PHLPP1: variants seen among roughly 807,000 people sequenced by gnomAD.
PHLPP1 encodes the protein PH domain leucine-rich repeat-containing protein phosphatase 1.
Under a neutral mutation model 117.2 loss-of-function variants are expected in PHLPP1, and 42 were observed. That is an observed-to-expected ratio of 0.36 (90% confidence interval 0.28 to 0.46). PHLPP1 has a LOEUF of 0.46. Ranked by LOEUF, PHLPP1 falls within the 20% of genes least tolerant of loss-of-function variation. PHLPP1 has a pLI of 1.00. For synonymous variants in PHLPP1, 1,042 were observed against 970.7 expected (o/e 1.07, Z -1.37); for missense variants, 2,084 against 2,241.9 (o/e 0.93, Z 1.42).
At chr18:62,747,524 T>C (rs1261168930) in intron 1 of PHLPP1, among the ~76,000 whole-genome samples, 3 of 151,382 alleles carry the variant, frequency 2.0e-5, no homozygotes, top group Non-Finnish European at 4.4e-5. Context: ...TCCCCTCCCC[T>C]TCCTTCGCTT....
At chr18:62,846,170 C>A (rs1362127873) in intron 3 of PHLPP1, among the ~76,000 whole-genome samples, 2 of 141,568 alleles carry the variant, frequency 1.4e-5, no homozygotes, top group Non-Finnish European at 3.0e-5. Flanking sequence ...GATGGTGCCA[C>A]TGCACTCCAG....
At position 62,915,000 on chromosome 18, in the gene PHLPP1, T is replaced by C. The variant is rs1909224206; in HGVS notation, c.2796T>C (p.Leu932=). ...TTGGCCATAATCAAATATGTGAACT[T>C]CCTGCCCGGTGAGTATTACAGATCA... ...LDIGHNQICE[L]PARLFCNSSL... Residue 932 remains leucine, a synonymous_variant, in exon 9 of 17, where the codon CTT becomes CTC. Coordinates refer to ENST00000262719, the MANE Select transcript of PHLPP1 (RefSeq NM_194449.4). 2 of 1,610,500 alleles carry C rather than the reference T, an allele frequency of 1.2e-6. No individual in the cohort carries two copies. Among genetic ancestry groups the C allele is most frequent in the Non-Finnish European group, 1.7e-6 (2 of 1,177,086 alleles).
rs553137209 is a variant in PHLPP1, at chr18:62,808,557, G to GT, written c.1577-21466dup. ...AGAATTCATCTCTCTGTTTTTTTTT[G>GT]TTTTTTTTTTTTGAGACGGAGTTTC... is the stretch of plus-strand genomic sequence containing the variant. On this transcript the variant is annotated intron_variant, in intron 1 of 16. Coordinates refer to ENST00000262719, the MANE Select transcript of PHLPP1 (RefSeq NM_194449.4). Among the ~76,000 whole-genome samples, 745 of 135,422 alleles carry GT rather than the reference G, an allele frequency of 5.5e-3. 4 individuals are homozygous for GT. Among genetic ancestry groups the GT allele is most frequent in the Middle Eastern group, 0.016 (4 of 254 alleles). 88.8% of individuals were successfully genotyped at this position (135,422 alleles called of 152,430 possible).
At chr18:62,769,047 T>C (rs1239837663) in intron 1 of PHLPP1, among the ~76,000 whole-genome samples, 1 of 152,168 alleles carries the variant, frequency 6.6e-6, no homozygotes, top group Non-Finnish European at 1.5e-5. Flanking sequence ...CTATAAATGA[T>C]TGCTAATAAT....
intron 1 of PHLPP1, among the ~76,000 whole-genome samples, chr18:62,781,229 C>T (rs934514369): frequency 7.2e-5 from 11 of 152,066 alleles, no homozygotes; most frequent in African/African-American, 1.2e-4. Flanking sequence ...TAAAGTGCTC[C>T]GTAGATACTC....
At chr18:62,863,251 C>G (rs1396982087) in intron 4 of PHLPP1, among the ~76,000 whole-genome samples, 1 of 151,812 alleles carries the variant, frequency 6.6e-6, no homozygotes, top group African/African-American at 2.4e-5. Context: ...TGCTGTCACC[C>G]AGGCTGGAGT....
intron 1 of PHLPP1, among the ~76,000 whole-genome samples, chr18:62,801,518 T>G (rs1913783570): frequency 6.6e-6 from 1 of 152,078 alleles, no homozygotes; most frequent in African/African-American, 2.4e-5. Context: ...AATGGCGTGA[T>G]CTTGGCTTAC....
At chr18:62,795,401 C>G (rs1194058870) in intron 1 of PHLPP1, among the ~76,000 whole-genome samples, 1 of 150,834 alleles carries the variant, frequency 6.6e-6, no homozygotes, top group African/African-American at 2.4e-5. Flanking sequence ...TTGCTTGAAC[C>G]CGGGAGGTGG....
At chr18:62,871,108 T>C (rs1295047211) in intron 4 of PHLPP1, among the ~76,000 whole-genome samples, 1 of 152,224 alleles carries the variant, frequency 6.6e-6, no homozygotes, top group Non-Finnish European at 1.5e-5. Flanking sequence ...CAATAGAGAA[T>C]GATTTTTCAT....
intron 1 of PHLPP1, among the ~76,000 whole-genome samples, chr18:62,819,716 G>T (rs1368728611): frequency 6.6e-6 from 1 of 152,156 alleles, no homozygotes; most frequent in African/African-American, 2.4e-5. Context: ...TGCAATCTGG[G>T]CTCACTGCAA....
intron 12 of PHLPP1, among the ~76,000 whole-genome samples, chr18:62,954,937 A>G (rs1408395812): frequency 3.3e-5 from 5 of 152,140 alleles, no homozygotes; most frequent in African/African-American, 9.7e-5. Context: ...TTGAACATCT[A>G]CACTTTCCAG....
At position 62,721,663 on chromosome 18, in the gene PHLPP1, A is replaced by G. The variant is rs565118131; in HGVS notation, c.1576+4404A>G. ...TAGTAAGTTCTTCTCCTTGAATTTC[A>G]TAGTTATTCCTAAATTCGTGTGTCT... On this transcript the variant is annotated intron_variant, in intron 1 of 16. Transcript: ENST00000262719. 1.2e-3 allele frequency among the ~76,000 whole-genome samples: 176 copies of G among 152,230 alleles called. 1 individual carries two copies. In the South Asian group the frequency reaches 0.023, roughly 20 times the overall value.
At chr18:62,833,364 A>G (rs879590238) in intron 2 of PHLPP1, among the ~76,000 whole-genome samples, 10 of 152,200 alleles carry the variant, frequency 6.6e-5, no homozygotes, top group Non-Finnish European at 1.5e-4. Context: ...GTGAGCCACC[A>G]CGCCTGGCCA....
chr18:62,835,837 C>T (rs1385350513), intron 2 of PHLPP1, among the ~76,000 whole-genome samples: 1 of 138,112 alleles, frequency 7.2e-6, no homozygotes, highest in Non-Finnish European at 1.5e-5. Context: ...CTGGAGCACA[C>T]TGGCACAATA....
chr18:62,860,696 G>A, intron 4 of PHLPP1, 95 bp downstream of exon 4: 1 of 1,018,862 alleles, frequency 9.8e-7, no homozygotes, highest in Non-Finnish European at 1.4e-6. Context: ...AAAAAAGCTA[G>A]TGTGTAAACT....
intron 16 of PHLPP1, among the ~76,000 whole-genome samples, chr18:62,976,447 C>T (rs1476579438): frequency 6.6e-6 from 1 of 152,168 alleles, no homozygotes; most frequent in Non-Finnish European, 1.5e-5. Flanking sequence ...AGAGGCGAGG[C>T]ACAGAAAACA....
At chr18:62,928,879 A>G (rs959314747) in intron 10 of PHLPP1, among the ~76,000 whole-genome samples, 2 of 152,226 alleles carry the variant, frequency 1.3e-5, no homozygotes, top group African/African-American at 4.8e-5. Flanking sequence ...TAAGTGAAAG[A>G]AGCCAGACAC....
Position 62,914,967 on chromosome 18 carries a change from T to G in PHLPP1, c.2763T>G (p.Val921=). Residue 921 remains valine (V), a synonymous_variant, in exon 9 of 17, where the codon GTT becomes GTG. Coordinates refer to ENST00000262719, the MANE Select transcript of PHLPP1 (RefSeq NM_194449.4). ...TATGTGAAAGCCGAAAGCTAGAAGTTTTGGATATTGGCCATAATCAAATAT... is the reference window on the plus strand; with the variant it reads ...TATGTGAAAGCCGAAAGCTAGAAGTGTTGGATATTGGCCATAATCAAATAT... ...EWVCESRKLE[V]LDIGHNQICE... The G allele has an allele frequency of 6.2e-7, 1 of 1,613,796 alleles. No homozygotes were observed. The highest frequency in any genetic ancestry group is 8.5e-7 in the Non-Finnish European group (1 of 1,179,772).
chr18:62,716,027 G>T lies in PHLPP1; in HGVS notation c.344G>T (p.Gly115Val). 5 of 1,399,212 alleles carry T rather than the reference G, an allele frequency of 3.6e-6. No homozygotes were observed. The highest frequency in any genetic ancestry group is 4.6e-6 in the Non-Finnish European group (5 of 1,085,642). The allele number at this position is 1,399,212 out of a possible 1,614,324, so 86.7% of individuals were successfully genotyped here. A position where few individuals can be genotyped will look rare whatever the true frequency, so the allele number is the denominator to read the frequency against. ...GCCCCCGTACCCGGGGCCGGCGGCG[G>T]CGCCAACTCCCTCCTGCTGAGGAGA... ...GAAPVPGAGG[G>V]ANSLLLRRGR... The change falls in exon 1 of 17, where the codon GGC (glycine) becomes GTC (valine). Residue 115 changes from glycine (G) to valine (V), a missense_variant. Around this residue, in one of 2 missense-constraint regions of PHLPP1, gnomAD observed 719 missense variants for 636.0 expected, o/e 1.13. Transcript: ENST00000262719. This position sits in a 1 kb window ranked among gnomAD's most constrained non-coding sequence, Gnocchi z 5.7.
Sources: allele counts gnomAD v4.1 joint callset (sites outside exome capture counted in the v4.1 genomes callset), GRCh38; gene constraint gnomAD v4.1.1; regional missense constraint gnomAD v4.1.1; non-coding constraint Gnocchi (gnomAD v3.1); transcripts MANE v1.5; gene names NCBI Gene and HGNC (gene_info 2026-07-23, HGNC 2026-07-21).